Variants in MDGA2 observed in about 807,000 individuals in gnomAD.
The protein encoded by MDGA2 is MAM domain-containing glycosylphosphatidylinositol anchor protein 2.
In MDGA2, 40 loss-of-function variants were observed where a neutral mutation model predicts 117.8. The observed-to-expected ratio is 0.34, with a 90% CI of 0.26 to 0.44. MDGA2 has a LOEUF of 0.44. MDGA2 is among the 20% of genes least tolerant of loss of function. The probability of loss-of-function intolerance (pLI) is 1.00; values close to 1 mark genes in which losing one functional copy is unlikely to be tolerated. For missense variants in MDGA2, 1,123 were observed against 1,250.6 expected (o/e 0.90, Z 1.54); for synonymous variants, 452 against 439.0 (o/e 1.03, Z -0.37).
intron 1 of MDGA2, among the ~76,000 whole-genome samples, chr14:47,393,454 C>T (rs1164094843): frequency 6.6e-6 from 1 of 151,092 alleles, no homozygotes; most frequent in East Asian, 1.9e-4. Context: ...AATATATTTG[C>T]CATGTTAAAA....
At chr14:47,325,035 GT>G in intron 1 of MDGA2, among the ~76,000 whole-genome samples, 1 of 152,254 alleles carries the variant, frequency 6.6e-6, no homozygotes, top group Non-Finnish European at 1.5e-5. Context: ...TGATTATTGT[GT>G]TGTAGCACAA....
At chr14:47,143,812 C>T (rs550987327) in intron 4 of MDGA2, among the ~76,000 whole-genome samples, 2 of 151,828 alleles carry the variant, frequency 1.3e-5, no homozygotes, top group Non-Finnish European at 2.9e-5. Flanking sequence ...TATAGTGAAA[C>T]ATAGGAAAAC....
At chr14:47,251,223 A>G (rs1887433717) in intron 2 of MDGA2, among the ~76,000 whole-genome samples, 2 of 152,038 alleles carry the variant, frequency 1.3e-5, no homozygotes, top group African/African-American at 4.8e-5. Flanking sequence ...CTTTTCACCT[A>G]CTCTTCCATC....
At chr14:46,924,714 C>CTGTTGTTTGT (rs1884261943) in intron 9 of MDGA2, among the ~76,000 whole-genome samples, 1 of 151,842 alleles carries the variant, frequency 6.6e-6, no homozygotes, top group South Asian at 2.1e-4. Context: ...ACAACAAATT[C>CTGTTGTTTGT]TGATACAGTT....
At chr14:47,496,599 A>C (rs547320149) in intron 1 of MDGA2, among the ~76,000 whole-genome samples, 105 of 152,122 alleles carry the variant, frequency 6.9e-4, no homozygotes, top group African/African-American at 2.4e-3. Context: ...TGGAAAAATG[A>C]ATGTGGAGAA....
chr14:47,326,215 A>G (rs1445104053), intron 1 of MDGA2, among the ~76,000 whole-genome samples: 3 of 152,140 alleles, frequency 2.0e-5, no homozygotes, highest in Non-Finnish European at 2.9e-5. Flanking sequence ...CTCTGCCAAC[A>G]TCTTTCCACA....
intron 8 of MDGA2, among the ~76,000 whole-genome samples, chr14:47,017,179 G>T (rs1041960308): frequency 4.6e-5 from 7 of 151,046 alleles, no homozygotes; most frequent in South Asian, 2.1e-4. Context: ...ACATTTTCCT[G>T]ACTTCATGCT....
chr14:47,146,483 T>C (rs1381385964), intron 3 of MDGA2, among the ~76,000 whole-genome samples: 2 of 152,212 alleles, frequency 1.3e-5, no homozygotes, highest in Non-Finnish European at 2.9e-5. Flanking sequence ...CCAGCATCAT[T>C]ATCATAAAAT....
At chr14:46,989,768 G>C (rs1887011665) in intron 8 of MDGA2, among the ~76,000 whole-genome samples, 1 of 152,070 alleles carries the variant, frequency 6.6e-6, no homozygotes, top group African/African-American at 2.4e-5. Flanking sequence ...CCAGATGGCA[G>C]AGGAGACAGC....
chr14:46,926,336 C>T (rs1884330806), intron 9 of MDGA2, among the ~76,000 whole-genome samples: 1 of 151,524 alleles, frequency 6.6e-6, no homozygotes, highest in African/African-American at 2.4e-5. Flanking sequence ...AATAATAAAA[C>T]CTAATTTAAA....
At chr14:47,168,198 TA>T (rs1410392599) in intron 3 of MDGA2, among the ~76,000 whole-genome samples, 2 of 134,198 alleles carry the variant, frequency 1.5e-5, no homozygotes, top group Admixed American at 1.7e-4. Context: ...GAATATTTTT[TA>T]AAAAGAAAAA....
intron 3 of MDGA2, among the ~76,000 whole-genome samples, chr14:47,213,303 A>T (rs1178921208): frequency 6.6e-6 from 1 of 152,156 alleles, no homozygotes; most frequent in East Asian, 1.9e-4. Context: ...GACCTGTGCC[A>T]TTTTGATTCC....
rs1015179121 is a variant in MDGA2 at position 47,156,276 on chromosome 14, G to A, written c.596-12002C>T. 3.9e-5 allele frequency among the ~76,000 whole-genome samples: 6 copies of A among 152,092 alleles called. No homozygotes were observed. In the East Asian group the frequency reaches 9.7e-4, roughly 24 times the overall value. On this transcript the variant is annotated intron_variant, in intron 3 of 16. Transcript: ENST00000399232. ...TTTCATTTAAGCTTCTAGGATTCTA[G>A]GCTAGAAAACTTAAAATTATTTTTG... is the stretch of plus-strand genomic sequence containing the variant.
chr14:47,251,533 G>GTAC (rs1887447085), intron 2 of MDGA2, among the ~76,000 whole-genome samples: 1 of 152,036 alleles, frequency 6.6e-6, no homozygotes, highest in African/African-American at 2.4e-5. Context: ...CGAAGTATAC[G>GTAC]TACTACATCC....
At chr14:47,444,879 C>A (rs1014587876) in intron 1 of MDGA2, among the ~76,000 whole-genome samples, 1 of 152,116 alleles carries the variant, frequency 6.6e-6, no homozygotes, top group African/African-American at 2.4e-5. Context: ...AGGAGTTGTA[C>A]ATTGAAATCT....
At chr14:47,331,818 T>C (rs1890300929) in intron 1 of MDGA2, among the ~76,000 whole-genome samples, 1 of 152,016 alleles carries the variant, frequency 6.6e-6, no homozygotes, top group South Asian at 2.1e-4. Context: ...AATTTATGTA[T>C]TAGTGAATTT....
intron 1 of MDGA2, among the ~76,000 whole-genome samples, chr14:47,567,364 C>T (rs1463650518): frequency 1.3e-5 from 2 of 152,094 alleles, no homozygotes; most frequent in African/African-American, 4.8e-5. Flanking sequence ...AGGAACATAA[C>T]AACTGAAGGA....
At chr14:47,454,700 T>C (rs142262687) in intron 1 of MDGA2, among the ~76,000 whole-genome samples, 20 of 152,320 alleles carry the variant, frequency 1.3e-4, no homozygotes, top group Non-Finnish European at 1.3e-4. Context: ...TGTTAGCTTA[T>C]GGGCACCTAT....
At chr14:47,265,717 C>T (rs529767008) in intron 2 of MDGA2, among the ~76,000 whole-genome samples, 41 of 151,880 alleles carry the variant, frequency 2.7e-4, no homozygotes, top group Middle Eastern at 3.4e-3. Flanking sequence ...TCTGAAAACT[C>T]CTAGAGGAAT....
Sources: allele counts gnomAD v4.1 joint callset (sites outside exome capture counted in the v4.1 genomes callset), GRCh38; gene constraint gnomAD v4.1.1; transcripts MANE v1.5; gene names NCBI Gene and HGNC (gene_info 2026-07-23, HGNC 2026-07-21).